GNAQ: variants seen among roughly 807,000 people sequenced by gnomAD.
GNAQ encodes G protein subunit alpha q.
A neutral mutation model predicts 43.9 loss-of-function variants in GNAQ; 8 were observed. The observed-to-expected ratio is 0.18, with a 90% CI of 0.11 to 0.33. The LOEUF is 0.33. Ranked by LOEUF, GNAQ falls within the 10% of genes least tolerant of loss-of-function variation. The pLI is 1.00. For synonymous variants in GNAQ, 155 were observed against 170.7 expected, an observed-to-expected ratio of 0.91 and a Z score of 0.71; for missense variants, 158 against 450.8, an observed-to-expected ratio of 0.35 and a Z score of 5.88.
chr9:77,935,047 C>T (rs745998581), intron 1 of GNAQ, among the ~76,000 whole-genome samples: 14 of 152,146 alleles, frequency 9.2e-5, no homozygotes, highest in Non-Finnish European at 1.9e-4. Flanking sequence ...ATCACTTGAA[C>T]CCTGGAGGCA....
At chr9:77,996,691 A>T (rs910772566) in intron 1 of GNAQ, among the ~76,000 whole-genome samples, 9 of 151,344 alleles carry the variant, frequency 5.9e-5, no homozygotes, top group African/African-American at 2.2e-4. Flanking sequence ...AAAAAAAAAA[A>T]AAAAAGAAAA....
chr9:77,916,880 T>A (rs927681961), intron 2 of GNAQ, among the ~76,000 whole-genome samples: 1 of 152,206 alleles, frequency 6.6e-6, no homozygotes, highest in Non-Finnish European at 1.5e-5. Flanking sequence ...TTCTTTTCTC[T>A]TCCCAGGACT....
intron 2 of GNAQ, among the ~76,000 whole-genome samples, chr9:77,919,917 G>A (rs1405468361): frequency 2.0e-5 from 3 of 152,074 alleles, no homozygotes; most frequent in Admixed American, 6.6e-5. Flanking sequence ...CGAAGCAGGC[G>A]GATCATGAAA....
rs145533644 is a variant in GNAQ at position 77,922,314 on chromosome 9, G to A, written c.168C>T (p.Ile56=). The A allele has an allele frequency of 3.1e-6, 5 of 1,613,168 alleles. No individual in the cohort carries two copies. In the African/African-American group the frequency reaches 5.3e-5, roughly 17 times the overall value. The change falls in exon 2 of 7, where the codon ATC becomes ATT. Residue 56 remains isoleucine, a synonymous_variant. Transcript: ENST00000286548. The part of the protein sequence containing the change: ...GTGESGKSTF[I]KQMRIIHGSG... Reference sequence around the variant, plus strand: ...ACCCATGGATGATTCTCATCTGCTTGATAAACGTACTCTTGCCACTCTCTC... The same window carrying A: ...ACCCATGGATGATTCTCATCTGCTTAATAAACGTACTCTTGCCACTCTCTC...
At chr9:78,020,870 G>C (rs963743151) in intron 1 of GNAQ, among the ~76,000 whole-genome samples, 11 of 152,144 alleles carry the variant, frequency 7.2e-5, no homozygotes, top group African/African-American at 2.7e-4. Context: ...AGTTGATGAG[G>C]AGAAGGCCCT....
At chr9:77,772,073 T>C (rs1348602756) in intron 5 of GNAQ, among the ~76,000 whole-genome samples, 1 of 152,124 alleles carries the variant, frequency 6.6e-6, no homozygotes, top group Non-Finnish European at 1.5e-5. Context: ...AGTTTACAAT[T>C]GAAGAGCACT....
chr9:77,976,932 C>T (rs1431458188), intron 1 of GNAQ, among the ~76,000 whole-genome samples: 1 of 152,164 alleles, frequency 6.6e-6, no homozygotes, highest in Non-Finnish European at 1.5e-5. Context: ...TTTAAAACCA[C>T]CTGCCTGAAT....
intron 5 of GNAQ, among the ~76,000 whole-genome samples, chr9:77,794,158 G>A (rs746007604): frequency 6.6e-6 from 1 of 152,134 alleles, no homozygotes; most frequent in Non-Finnish European, 1.5e-5. Flanking sequence ...TATCCTGTAG[G>A]AGGAAGACTA....
At chr9:77,814,313 G>A (rs1026453410) in intron 3 of GNAQ, among the ~76,000 whole-genome samples, 3 of 152,112 alleles carry the variant, frequency 2.0e-5, no homozygotes, top group African/African-American at 4.8e-5. Context: ...AGGCATGCAG[G>A]ACAGCAGAAG....
chr9:78,008,158 G>C (rs192033446), intron 1 of GNAQ, among the ~76,000 whole-genome samples: 8,571 of 152,244 alleles, frequency 0.056, 278 homozygotes, highest in Non-Finnish European at 0.057. Context: ...TGTTGTTTGA[G>C]CCGCTGAAAG....
At chr9:77,844,061 G>A (rs1564128099) in intron 2 of GNAQ, among the ~76,000 whole-genome samples, 1 of 152,148 alleles carries the variant, frequency 6.6e-6, no homozygotes. Context: ...CCCAGGACTG[G>A]CCTCAATTTC....
intron 1 of GNAQ, among the ~76,000 whole-genome samples, chr9:78,023,296 A>G (rs572193867): frequency 1.6e-4 from 25 of 152,264 alleles, no homozygotes; most frequent in African/African-American, 5.5e-4. Flanking sequence ...GTATTAAAGC[A>G]CCCAACTTCC....
At chr9:77,844,512 T>G (rs1827547954) in intron 2 of GNAQ, among the ~76,000 whole-genome samples, 1 of 152,172 alleles carries the variant, frequency 6.6e-6, no homozygotes, top group Admixed American at 6.5e-5. Flanking sequence ...TTCAACCAGC[T>G]GCTAAGTATA....
chr9:77,763,643 T>C (rs558472186), intron 5 of GNAQ, among the ~76,000 whole-genome samples: 1 of 152,340 alleles, frequency 6.6e-6, no homozygotes, highest in East Asian at 1.9e-4. Context: ...AGAGATATTA[T>C]TTACATTCAT....
At chr9:77,998,898 C>T (rs1823609635) in intron 1 of GNAQ, among the ~76,000 whole-genome samples, 1 of 151,764 alleles carries the variant, frequency 6.6e-6, no homozygotes. Flanking sequence ...ACCAGCCTGG[C>T]CAACATGGTG....
At chr9:77,968,497 AC>A (rs1435672123) in intron 1 of GNAQ, among the ~76,000 whole-genome samples, 1 of 152,216 alleles carries the variant, frequency 6.6e-6, no homozygotes, top group East Asian at 1.9e-4. Flanking sequence ...CTCTTGAACT[AC>A]AAAGTTTATC....
intron 1 of GNAQ, among the ~76,000 whole-genome samples, chr9:77,924,627 C>G (rs1308233978): frequency 6.6e-6 from 1 of 152,056 alleles, no homozygotes; most frequent in Non-Finnish European, 1.5e-5. Context: ...TCACGTTGGG[C>G]AAGAGCAGTC....
chr9:77,902,615 A>G (rs1828632403), intron 2 of GNAQ, among the ~76,000 whole-genome samples: 1 of 152,384 alleles, frequency 6.6e-6, no homozygotes, highest in Non-Finnish European at 1.5e-5. Flanking sequence ...GGTTTTCATA[A>G]AATCAGGAAT....
chr9:77,751,427 A>G (rs765036641), intron 5 of GNAQ, among the ~76,000 whole-genome samples: 2 of 152,224 alleles, frequency 1.3e-5, no homozygotes, highest in African/African-American at 4.8e-5. Context: ...GTAACCAGTA[A>G]AATGAAAAGC....
Sources: allele counts gnomAD v4.1 joint callset (sites outside exome capture counted in the v4.1 genomes callset), GRCh38; gene constraint gnomAD v4.1.1; transcripts MANE v1.5; gene names NCBI Gene and HGNC (gene_info 2026-07-23, HGNC 2026-07-21).